Variants in RARB observed in about 807,000 individuals in gnomAD.
RARB encodes HBV-activated protein.
In RARB, 17 loss-of-function variants were observed where a neutral mutation model predicts 51.9. That is an observed-to-expected ratio of 0.33 (90% confidence interval 0.22 to 0.49). The LOEUF is 0.49. Among genes scored for constraint, RARB ranks in the 20% least tolerant of loss-of-function variants. The probability of loss-of-function intolerance (pLI) is 0.99; values close to 1 mark genes in which losing one functional copy is unlikely to be tolerated. For missense variants in RARB, 369 were observed against 550.8 expected (o/e 0.67, Z 3.30); for synonymous variants, 215 against 195.4 (o/e 1.10, Z -0.84).
intron 5 of RARB, among the ~76,000 whole-genome samples, chr3:25,318,508 GA>G (rs1704483954): frequency 6.6e-6 from 1 of 152,120 alleles, no homozygotes; most frequent in African/African-American, 2.4e-5. Flanking sequence ...ACATATTCAA[GA>G]AAATGAATGG....
At chr3:24,882,587 C>T (rs909710101) in intron 2 of RARB, among the ~76,000 whole-genome samples, 2 of 152,160 alleles carry the variant, frequency 1.3e-5, no homozygotes, top group Non-Finnish European at 2.9e-5. Context: ...TAATAACATC[C>T]ATTTCAACTT....
At chr3:25,043,263 A>G (rs894651272) in intron 2 of RARB, among the ~76,000 whole-genome samples, 3 of 152,156 alleles carry the variant, frequency 2.0e-5, no homozygotes, top group Non-Finnish European at 4.4e-5. Flanking sequence ...TATTTCTATG[A>G]CATAATTATT....
At chr3:25,045,603 A>T (rs1443339185) in intron 2 of RARB, among the ~76,000 whole-genome samples, 1 of 152,200 alleles carries the variant, frequency 6.6e-6, no homozygotes, top group African/African-American at 2.4e-5. Flanking sequence ...TGTGTACCAG[A>T]ACAATGAGAC....
rs549711790 is a variant in RARB at position 24,979,412 on chromosome 3, C to T, written c.-379-80713C>T. ...TCTCTAAGGACTTGCTTTATGAATC[C>T]GGATGCTCTTGTATTACATGCATAT... is the stretch of plus-strand genomic sequence containing the variant. On this transcript the variant is annotated intron_variant, in intron 2 of 11. Transcript: ENST00000383772. Among the ~76,000 whole-genome samples, 22 of 152,106 alleles carry T rather than the reference C, an allele frequency of 1.4e-4. No individual in the cohort carries two copies. In the East Asian group the frequency reaches 1.9e-3, roughly 13 times the overall value.
At position 25,184,854 on chromosome 3, in the gene RARB, G is replaced by T. The variant is rs117942860; in HGVS notation, c.178+10279G>T. 2.3e-3 allele frequency among the ~76,000 whole-genome samples: 353 copies of T among 151,762 alleles called. 2 individuals carry two copies. Among genetic ancestry groups the T allele is most frequent in the East Asian group, 0.02 (103 of 5,126 alleles). ...CCACGCTGAGCTGTGATGACATCTTGGCACTCCAGCCTGGGCAGCAAAGCA... is the reference window on the plus strand; with the variant it reads ...CCACGCTGAGCTGTGATGACATCTTTGCACTCCAGCCTGGGCAGCAAAGCA... On this transcript the variant is annotated intron_variant, in intron 5 of 11. Coordinates refer to the RARB transcript ENST00000383772.
chr3:25,469,398 G>A (rs1326029114), intron 2 of RARB, among the ~76,000 whole-genome samples: 1 of 152,206 alleles, frequency 6.6e-6, no homozygotes, highest in Non-Finnish European at 1.5e-5. Flanking sequence ...TCCTCACTCT[G>A]ATAGTTGCTT....
intron 1 of RARB, among the ~76,000 whole-genome samples, chr3:25,456,678 TATATAGAGAGAGAGAGAGAG>T (rs1398121276): frequency 1.4e-4 from 15 of 110,280 alleles, no homozygotes; most frequent in African/African-American, 5.5e-4. Flanking sequence ...TATATATATA[TATATAGAGAGAGAGAGAGAG>T]AGAGAGAGAG....
intron 5 of RARB, among the ~76,000 whole-genome samples, chr3:25,390,440 A>C (rs1706918695): frequency 6.6e-6 from 1 of 152,166 alleles, no homozygotes; most frequent in Admixed American, 6.5e-5. Flanking sequence ...TGAGCAATAA[A>C]TTTCTGTTGC....
At position 25,146,499 on chromosome 3, in the gene RARB, G is replaced by GTTTT. The variant is rs1413825514; in HGVS notation, c.-280+14294_-280+14295insTTTT. Among the ~76,000 whole-genome samples, 108 of 104,412 alleles carry GTTTT rather than the reference G, an allele frequency of 1.0e-3. 24 individuals are homozygous for GTTTT. The highest frequency in any genetic ancestry group is 1.6e-3 in the Admixed American group (14 of 8,516). The allele number at this position is 104,412 out of a possible 152,430, so 68.5% of individuals were successfully genotyped here. A position where few individuals can be genotyped will look rare whatever the true frequency, so the allele number is the denominator to read the frequency against. On this transcript the variant is annotated intron_variant, in intron 4 of 11. Transcript: ENST00000383772. ...CAGGCTATAATTTGCTAAGTTTTTT[G>GTTTT]TTTGTTTGTTTGTTTTTTTTTTTTT...
intron 5 of RARB, among the ~76,000 whole-genome samples, chr3:25,290,212 C>T (rs188877324): frequency 5.3e-5 from 8 of 152,236 alleles, no homozygotes; most frequent in South Asian, 2.1e-4. Context: ...AACATAACTA[C>T]GTTTGGAAAT....
intron 5 of RARB, among the ~76,000 whole-genome samples, chr3:25,342,304 C>G (rs1467483187): frequency 6.6e-6 from 1 of 152,156 alleles, no homozygotes; most frequent in Non-Finnish European, 1.5e-5. Flanking sequence ...AGACTTATTG[C>G]AGTATTTCAG....
chr3:24,855,699 G>C (rs1272787465), intron 1 of RARB, among the ~76,000 whole-genome samples: 1 of 150,292 alleles, frequency 6.7e-6, no homozygotes, highest in South Asian at 2.1e-4. Context: ...ACCTACCACA[G>C]CAGATTTTCG....
intron 2 of RARB, among the ~76,000 whole-genome samples, chr3:24,949,240 T>G (rs188108332): frequency 8.5e-5 from 13 of 152,328 alleles, no homozygotes; most frequent in Admixed American, 8.5e-4. Context: ...TGATTCTCTT[T>G]CAGCTGTGTT....
At chr3:24,902,734 GAAA>G (rs977918017) in intron 2 of RARB, among the ~76,000 whole-genome samples, 1 of 151,570 alleles carries the variant, frequency 6.6e-6, no homozygotes, top group Non-Finnish European at 1.5e-5. Context: ...TTTTGAAATG[GAAA>G]AAAAATGTTT....
At chr3:24,960,931 T>C (rs946474574) in intron 2 of RARB, among the ~76,000 whole-genome samples, 1 of 152,134 alleles carries the variant, frequency 6.6e-6, no homozygotes, top group African/African-American at 2.4e-5. Context: ...AAAGAACAGG[T>C]TGTGAAATCT....
chr3:25,429,099 C>T (rs1708099589), intron 1 of RARB, among the ~76,000 whole-genome samples: 1 of 152,124 alleles, frequency 6.6e-6, no homozygotes, highest in Non-Finnish European at 1.5e-5. Flanking sequence ...CCCTCCCGCC[C>T]CCATGCTCCT....
chr3:25,322,505 A>T (rs879094534), intron 5 of RARB, among the ~76,000 whole-genome samples: 2 of 152,234 alleles, frequency 1.3e-5, no homozygotes, highest in Admixed American at 1.3e-4. Flanking sequence ...ATTGGCACAC[A>T]TATATAAATC....
At chr3:24,879,956 C>T (rs369874697) in intron 2 of RARB, among the ~76,000 whole-genome samples, 59 of 151,582 alleles carry the variant, frequency 3.9e-4, no homozygotes, top group African/African-American at 1.3e-3. Context: ...TTTTGTGTTA[C>T]GCCTCTGTCC....
intron 5 of RARB, among the ~76,000 whole-genome samples, chr3:25,250,952 C>A (rs1224940988): frequency 6.6e-6 from 1 of 152,162 alleles, no homozygotes; most frequent in Non-Finnish European, 1.5e-5. Flanking sequence ...CCTCTACAGG[C>A]TTCCAGTTGA....
Sources: gnomAD v4.1 joint callset for allele counts (sites outside exome capture counted in the v4.1 genomes callset) on GRCh38, gnomAD v4.1.1 for gene constraint, MANE v1.5 for transcripts, NCBI Gene and HGNC (gene_info 2026-07-23, HGNC 2026-07-21) for gene names.